The following THADA variants were observed in gnomAD, a reference collection of about 807,000 sequenced individuals.
The protein encoded by THADA is tRNA (32-2'-O)-methyltransferase regulator THADA.
In THADA, 213 loss-of-function variants were observed where a neutral mutation model predicts 219.8. The ratio of observed to expected loss-of-function variants is 0.97; its 90% CI spans 0.87 to 1.09. The LOEUF (loss-of-function observed/expected upper bound fraction) is 1.09, where lower values mean the gene tolerates loss of function less well. THADA is among the 50% of genes least tolerant of loss of function. The pLI is 0.00. For missense variants in THADA, 2,956 were observed against 2,311.3 expected (o/e 1.28, Z -5.72); for synonymous variants, 1,018 against 828.9 (o/e 1.23, Z -3.92).
At chr2:43,433,850 G>C (rs1679713369) in intron 26 of THADA, among the ~76,000 whole-genome samples, 1 of 152,042 alleles carries the variant, frequency 6.6e-6, no homozygotes. Flanking sequence ...ACCACATCTG[G>C]CTAATTTTTC....
At chr2:43,575,774 G>C (rs1167250847) in intron 10 of THADA, among the ~76,000 whole-genome samples, 1 of 152,142 alleles carries the variant, frequency 6.6e-6, no homozygotes, top group East Asian at 1.9e-4. Flanking sequence ...CTGACCTCAA[G>C]TGATCCACCT....
chr2:43,503,887 G>T (rs1373795409), intron 24 of THADA, among the ~76,000 whole-genome samples: 1 of 152,052 alleles, frequency 6.6e-6, no homozygotes, highest in Non-Finnish European at 1.5e-5. Flanking sequence ...ATTTTTAGAT[G>T]TTCTTATAAA....
chr2:43,333,320 T>C (rs1210177453), intron 30 of THADA: 1 of 152,132 alleles, frequency 6.6e-6, no homozygotes, highest in African/African-American at 2.4e-5. Context: ...ACCAACTTCA[T>C]TTCTCTCATC....
chr2:43,333,582 C>A, intron 30 of THADA, among the ~76,000 whole-genome samples: 1 of 150,828 alleles, frequency 6.6e-6, no homozygotes. Context: ...AGAAACAAAC[C>A]AAAAGGCAAA....
chr2:43,377,366 C>T (rs1401032442), intron 29 of THADA, among the ~76,000 whole-genome samples: 1 of 151,964 alleles, frequency 6.6e-6, no homozygotes. Context: ...TATGATGTTT[C>T]CCCCTCCTCT....
chr2:43,241,278 C>G (rs577830584), intron 36 of THADA, among the ~76,000 whole-genome samples: 3 of 151,654 alleles, frequency 2.0e-5, no homozygotes, highest in Non-Finnish European at 4.4e-5. Flanking sequence ...TTTGTAGAGA[C>G]GGGTTTTGCC....
chr2:43,344,361 C>G (rs1667395508), intron 29 of THADA, 124 bp from the exon 30 acceptor site: 2 of 639,720 alleles, frequency 3.1e-6, no homozygotes, highest in Non-Finnish European at 2.6e-6. Flanking sequence ...CAGAATGTAG[C>G]TCTGGTCTCT....
rs1700515110 is a variant in THADA at position 43,582,001 on chromosome 2, A to C, written c.534-73T>G. 2.6e-6 allele frequency: 3 copies of C among 1,137,070 alleles called. No homozygotes were observed. In the African/African-American group the frequency reaches 4.7e-5, roughly 18 times the overall value. The allele number at this position is 1,137,070 out of a possible 1,614,324, so 70.4% of individuals were successfully genotyped here. On this transcript the variant is annotated intron_variant, in intron 7 of 37. Transcript: ENST00000405975. ...TGTGAACATTTCTAATTATCAGCAA[A>C]ATAAATACATTCCTCAAAGGCCCAA...
chr2:43,237,651 G>A (rs1000438166), intron 36 of THADA, among the ~76,000 whole-genome samples: 31 of 151,622 alleles, frequency 2.0e-4, no homozygotes, highest in East Asian at 3.9e-4. Context: ...CACCCGCCTC[G>A]GCCTCCCAAA....
intron 36 of THADA, among the ~76,000 whole-genome samples, chr2:43,235,293 T>C (rs1667907058): frequency 6.6e-6 from 1 of 151,970 alleles, no homozygotes; most frequent in African/African-American, 2.4e-5. Flanking sequence ...CACTTTTTTG[T>C]TGTTGTTGTT....
intron 20 of THADA, among the ~76,000 whole-genome samples, chr2:43,545,290 G>A (rs2103842019): frequency 6.6e-6 from 1 of 151,596 alleles, no homozygotes; most frequent in East Asian, 1.9e-4. Context: ...ATTTTATTGA[G>A]GATTTTTGCA....
At chr2:43,482,761 C>T (rs1686388675) in intron 26 of THADA, among the ~76,000 whole-genome samples, 1 of 152,130 alleles carries the variant, frequency 6.6e-6, no homozygotes. Context: ...AAGAGCAAGA[C>T]AATCAGATGA....
chr2:43,337,145 T>C (rs912231637), intron 30 of THADA, among the ~76,000 whole-genome samples: 1 of 152,226 alleles, frequency 6.6e-6, no homozygotes, highest in Non-Finnish European at 1.5e-5. Context: ...GTTTGAGCCC[T>C]CTGGCTGACA....
intron 34 of THADA, among the ~76,000 whole-genome samples, chr2:43,288,985 A>G (rs1487657358): frequency 6.6e-6 from 1 of 152,156 alleles, no homozygotes; most frequent in Non-Finnish European, 1.5e-5. Flanking sequence ...ACTAAGCACT[A>G]ATCTACTTTC....
At position 43,518,754 on chromosome 2, in the gene THADA, T is replaced by C. The variant is rs569105491; in HGVS notation, c.3374+9125A>G. The stretch of plus-strand genomic sequence containing the variant: ...GATCTCCTCTAGGCCCATAGCTTCA[T>C]CTATTTCCTCTGTTTGGCTGACTTT... On this transcript the variant is annotated intron_variant, in intron 22 of 37. Transcript: ENST00000405975. Among the ~76,000 whole-genome samples, 154 of 152,282 alleles carry C rather than the reference T, an allele frequency of 1.0e-3. 1 individual carries two copies. Among genetic ancestry groups the C allele is most frequent in the African/African-American group, 3.5e-3 (146 of 41,556 alleles).
intron 30 of THADA, among the ~76,000 whole-genome samples, chr2:43,330,401 T>C (rs1314693668): frequency 6.6e-6 from 1 of 152,198 alleles, no homozygotes; most frequent in Non-Finnish European, 1.5e-5. Flanking sequence ...CTCTCCAAGA[T>C]GCTCCCTTGG....
In THADA at chr2:43,415,737, C is replaced by T. The variant is rs138039352; in HGVS notation, c.4058+12363G>A. On this transcript the variant is annotated intron_variant, in intron 28 of 37. Transcript: ENST00000405975. The stretch of plus-strand genomic sequence containing the variant: ...CCCCGAGGTTCATATCTAGGGCCCT[C>T]GTGACGCTTCACGGTGGGTCAGGCA... 3.3e-3 allele frequency among the ~76,000 whole-genome samples: 498 copies of T among 152,110 alleles called. 2 individuals carry two copies. The highest frequency in any genetic ancestry group is 0.011 in the African/African-American group (474 of 41,492).
intron 20 of THADA, 147 bp from the exon 21 acceptor site, chr2:43,541,463 T>C: frequency 2.1e-6 from 2 of 971,228 alleles, no homozygotes; most frequent in Non-Finnish European, 1.6e-6. Flanking sequence ...GGAAAGAAGC[T>C]AACATTTGTC....
At chr2:43,523,563 C>T (rs1268687541) in intron 22 of THADA, among the ~76,000 whole-genome samples, 1 of 152,078 alleles carries the variant, frequency 6.6e-6, no homozygotes, top group Non-Finnish European at 1.5e-5. Context: ...ATTTAAATTG[C>T]TCATCAAAAG....
Sources: allele counts gnomAD v4.1 joint callset (sites outside exome capture counted in the v4.1 genomes callset), GRCh38; gene constraint gnomAD v4.1.1; transcripts MANE v1.5; gene names NCBI Gene and HGNC (gene_info 2026-07-23, HGNC 2026-07-21).